Variants in RIT2 observed in about 807,000 individuals in gnomAD.
RIT2 encodes Ras like without CAAX 2.
Under a neutral mutation model 23.7 loss-of-function variants are expected in RIT2, and 24 were observed. The ratio of observed to expected loss-of-function variants is 1.01; its 90% confidence interval spans 0.73 to 1.43. RIT2 has a LOEUF of 1.43. Among genes scored for constraint, RIT2 ranks in the 40% most tolerant of loss-of-function variants. The pLI is 0.00. For synonymous variants in RIT2, 107 were observed against 91.1 expected (o/e 1.17, Z -0.99); for missense variants, 236 against 266.9 (o/e 0.88, Z 0.81).
At position 42,976,713 on chromosome 18, in the gene RIT2, G is replaced by T. The variant is rs149215384; in HGVS notation, c.161-2566C>A. On this transcript the variant is annotated intron_variant, in intron 2 of 4. Coordinates refer to ENST00000326695, the MANE Select transcript of RIT2 (RefSeq NM_002930.4). ...AATATGTTCATTATTATTAAGAAACGTGGAGTTCATTATAATGCCATCTTC... is the reference window on the plus strand; with the variant it reads ...AATATGTTCATTATTATTAAGAAACTTGGAGTTCATTATAATGCCATCTTC... Among the ~76,000 whole-genome samples the T allele has an allele frequency of 1.1e-3, 174 of 152,146 alleles. 1 individual carries two copies. The Middle Eastern group carries it at 0.017, about 15-fold the overall frequency.
At chr18:43,065,907 C>A (rs1912760853) in intron 1 of RIT2, among the ~76,000 whole-genome samples, 1 of 152,030 alleles carries the variant, frequency 6.6e-6, no homozygotes, top group Non-Finnish European at 1.5e-5. Flanking sequence ...TAGAAAAAAA[C>A]ACATGGTGAG....
intron 4 of RIT2, among the ~76,000 whole-genome samples, chr18:42,795,994 T>C (rs558154558): frequency 1.3e-5 from 2 of 152,216 alleles, no homozygotes; most frequent in South Asian, 4.1e-4. Context: ...CCCTTGGCTC[T>C]ACCAATCAGC....
chr18:42,945,762 G>A (rs1909714531), intron 3 of RIT2, among the ~76,000 whole-genome samples: 1 of 151,992 alleles, frequency 6.6e-6, no homozygotes. Flanking sequence ...TATCTGTGAA[G>A]GCTTTTATTT....
chr18:42,862,011 G>A (rs965766903), intron 4 of RIT2, among the ~76,000 whole-genome samples: 3 of 152,182 alleles, frequency 2.0e-5, no homozygotes, highest in Admixed American at 2.0e-4. Flanking sequence ...CATGACAGAG[G>A]AGAGGATCTG....
At chr18:42,896,607 T>A (rs1908337355) in intron 4 of RIT2, among the ~76,000 whole-genome samples, 1 of 152,214 alleles carries the variant, frequency 6.6e-6, no homozygotes, top group African/African-American at 2.4e-5. Context: ...ATGTTTTCTG[T>A]CTTATAGCTA....
At chr18:42,824,806 A>T (rs1906250214) in intron 4 of RIT2, among the ~76,000 whole-genome samples, 1 of 151,650 alleles carries the variant, frequency 6.6e-6, no homozygotes, top group Non-Finnish European at 1.5e-5. Context: ...AGAGAAAAAA[A>T]CTAAGGAGAA....
intron 4 of RIT2, among the ~76,000 whole-genome samples, chr18:42,879,396 A>C (rs538888023): frequency 2.0e-5 from 3 of 152,252 alleles, no homozygotes; most frequent in Middle Eastern, 3.4e-3. Context: ...GCTGGGTATG[A>C]ATTTTATTGG....
chr18:42,781,774 G>A (rs1913816829), intron 4 of RIT2, among the ~76,000 whole-genome samples: 1 of 152,182 alleles, frequency 6.6e-6, no homozygotes, highest in South Asian at 2.1e-4. Context: ...TATTCTGAGA[G>A]ATAAGCAAGG....
intron 1 of RIT2, among the ~76,000 whole-genome samples, chr18:43,099,376 A>G (rs1358928976): frequency 6.6e-6 from 1 of 152,072 alleles, no homozygotes; most frequent in African/African-American, 2.4e-5. Flanking sequence ...AATGAACATT[A>G]CATTAAGTAA....
chr18:42,926,019 C>T (rs1051973965), intron 3 of RIT2, among the ~76,000 whole-genome samples: 2 of 151,610 alleles, frequency 1.3e-5, no homozygotes, highest in Non-Finnish European at 3.0e-5. Context: ...ATAGACAATG[C>T]TGTGATATTT....
In RIT2 at chr18:43,115,647, T is replaced by G. The variant is rs1217271770; in HGVS notation, c.-128A>C. On this transcript the variant is annotated 5_prime_UTR_variant, in exon 1 of 5. Transcript: ENST00000326695. ...TAGTACGAGGTAAGAACCATCAGCG[T>G]CGGGCTGGCTGCTGGTCCTCCGCTC... 7.5e-7 allele frequency: 1 copy of G among 1,327,832 alleles called. No individual in the cohort carries two copies. Among genetic ancestry groups the G allele is most frequent in the African/African-American group, 1.5e-5 (1 of 66,292 alleles). The allele number at this position is 1,327,832 out of a possible 1,614,324, so 82.3% of individuals were successfully genotyped here.
chr18:43,025,053 C>T (rs915232188), intron 2 of RIT2, among the ~76,000 whole-genome samples: 8 of 151,552 alleles, frequency 5.3e-5, no homozygotes, highest in African/African-American at 1.9e-4. Context: ...ACTAAAAATA[C>T]AAAAATTAGT....
intron 4 of RIT2, among the ~76,000 whole-genome samples, chr18:42,889,501 T>C (rs1555644908): frequency 6.6e-6 from 1 of 152,098 alleles, no homozygotes; most frequent in Non-Finnish European, 1.5e-5. Context: ...ATATTTAATT[T>C]CTTGACATTT....
At chr18:43,080,436 T>A (rs1317012833) in intron 1 of RIT2, among the ~76,000 whole-genome samples, 1 of 152,196 alleles carries the variant, frequency 6.6e-6, no homozygotes, top group Non-Finnish European at 1.5e-5. Context: ...GGGTAGGGCT[T>A]TTGTGCAACA....
chr18:43,105,490 G>GAAGGGAGGAAGAGAGGAAGGA (rs1568083814), intron 1 of RIT2, among the ~76,000 whole-genome samples: 1 of 118,240 alleles, frequency 8.5e-6, no homozygotes, highest in African/African-American at 3.3e-5. Context: ...GGGAGGAAGG[G>GAAGGGAGGAAGAGAGGAAGGA]AGGAAGAAAG....
In RIT2 at chr18:43,045,032, TAAAC is replaced by T. The variant is rs532832931; in HGVS notation, c.104-11169_104-11166del. Reference sequence around the variant, plus strand: ...GTATGCTGACAGTTTATTTTGAACTTAAACAAAGAAGAAAAATAGACATTTTCAC... The same window carrying T: ...GTATGCTGACAGTTTATTTTGAACTTAAAGAAGAAAAATAGACATTTTCAC... On this transcript the variant is annotated intron_variant, in intron 1 of 4. Coordinates refer to ENST00000326695, the MANE Select transcript of RIT2 (RefSeq NM_002930.4). 2.6e-5 allele frequency among the ~76,000 whole-genome samples: 4 copies of T among 152,316 alleles called. No individual in the cohort carries two copies. The South Asian group carries it at 6.2e-4, about 24-fold the overall frequency.
In RIT2 at chr18:42,777,205, C is replaced by T. The variant is rs566490271; in HGVS notation, c.427-33485G>A. ...TCAAAAATTCTGCTCAGAAATCTTTCAGTTTGAAATAAAATATTAAGCCTT... is the reference window on the plus strand; with the variant it reads ...TCAAAAATTCTGCTCAGAAATCTTTTAGTTTGAAATAAAATATTAAGCCTT... On this transcript the variant is annotated intron_variant, in intron 4 of 4. Transcript: ENST00000326695. Among the ~76,000 whole-genome samples the T allele has an allele frequency of 4.7e-5, 7 of 149,580 alleles. No individual in the cohort carries two copies. The South Asian group carries it at 1.5e-3, about 32-fold the overall frequency.
intron 4 of RIT2, among the ~76,000 whole-genome samples, chr18:42,882,786 T>G (rs1273760308): frequency 6.6e-6 from 1 of 152,192 alleles, no homozygotes; most frequent in Non-Finnish European, 1.5e-5. Flanking sequence ...TCTATTTGGA[T>G]GATTTCCTCT....
intron 4 of RIT2, among the ~76,000 whole-genome samples, chr18:42,775,954 T>A (rs1250430407): frequency 6.6e-6 from 1 of 151,826 alleles, no homozygotes; most frequent in Non-Finnish European, 1.5e-5. Context: ...AGTAAAAAAA[T>A]AAATAAGTAT....
Sources: gnomAD v4.1 joint callset for allele counts (sites outside exome capture counted in the v4.1 genomes callset) on GRCh38, gnomAD v4.1.1 for gene constraint, MANE v1.5 for transcripts, NCBI Gene and HGNC (gene_info 2026-07-23, HGNC 2026-07-21) for gene names.